The following EP300 variants were observed in gnomAD, a reference collection of about 807,000 sequenced individuals.
EP300 encodes histone acetyltransferase p300.
Under a neutral mutation model 264.0 loss-of-function variants are expected in EP300, and 31 were observed. The observed-to-expected ratio is 0.12, with a 90% CI of 0.09 to 0.16. The LOEUF (loss-of-function observed/expected upper bound fraction) is 0.16, where lower values mean the gene tolerates loss of function less well. EP300 is among the 10% of genes least tolerant of loss of function. The pLI, the probability that EP300 is intolerant of heterozygous loss-of-function variation, is 1.00. For synonymous variants in EP300, 1,340 were observed against 1,045.4 expected (o/e 1.28, Z -5.44); for missense variants, 2,766 against 3,052.9 (o/e 0.91, Z 2.21).
At chr22:41,095,542 T>C (rs1156542429) in intron 1 of EP300, among the ~76,000 whole-genome samples, 2 of 151,206 alleles carry the variant, frequency 1.3e-5, no homozygotes, top group East Asian at 3.9e-4. Flanking sequence ...TACCATTATA[T>C]CTTGAATTTT....
At chr22:41,128,961 C>G (rs1353139541) in intron 4 of EP300, among the ~76,000 whole-genome samples, 1 of 152,056 alleles carries the variant, frequency 6.6e-6, no homozygotes, top group East Asian at 1.9e-4. Flanking sequence ...TAAACAAAAT[C>G]AATTTTGAGA....
chr22:41,139,515 C>T (rs1176006793), intron 8 of EP300, among the ~76,000 whole-genome samples: 1 of 152,118 alleles, frequency 6.6e-6, no homozygotes, highest in East Asian at 1.9e-4. Flanking sequence ...TGATCTGGTT[C>T]CTTCAAGTCC....
At position 41,093,133 on chromosome 22, in the gene EP300, T is replaced by C. The variant is rs746873461; in HGVS notation, c.94+35T>C. 10 of 1,601,826 alleles carry C rather than the reference T, an allele frequency of 6.2e-6. No homozygotes were observed. In the African/African-American group the frequency reaches 1.2e-4, roughly 19 times the overall value. On this transcript the variant is annotated intron_variant, in intron 1 of 30. Coordinates refer to ENST00000263253, the MANE Select transcript of EP300 (RefSeq NM_001429.4). ...GGCAGCCCCGGCCTTCCACGTTCCC[T>C]TTAATCTTTTCTACTCGGTGCGCCT...
chr22:41,166,587 G>A lies in EP300; in HGVS notation c.3807-12G>A. 1 of 1,611,314 alleles carries A rather than the reference G, an allele frequency of 6.2e-7. No individual in the cohort carries two copies. Among genetic ancestry groups the A allele is most frequent in the South Asian group, 1.1e-5 (1 of 90,840 alleles). The stretch of plus-strand genomic sequence containing the variant: ...TCTAAGTTGTGTAAGCAAAGTTTTG[G>A]TTTACATTTAGATTCGTCTGTGATG... On this transcript the variant is annotated splice_polypyrimidine_tract_variant and intron_variant, in intron 22 of 30. Coordinates refer to ENST00000263253, the MANE Select transcript of EP300 (RefSeq NM_001429.4).
In EP300 at chr22:41,152,371, G is replaced by A. The variant is rs147875376; in HGVS notation, c.3142+21G>A. 6.1e-3 allele frequency: 9,763 copies of A among 1,606,010 alleles called. 41 individuals are homozygous for A. Among genetic ancestry groups the A allele is most frequent in the Non-Finnish European group, 7.4e-3 (8,702 of 1,175,448 alleles). ...AAAGAGTGAGTCTCTGAAGCCATTC[G>A]TTCTGGAGGTAGCTGAAGAAACCAA... On this transcript the variant is annotated intron_variant, in intron 16 of 30. Transcript: ENST00000263253.
intron 4 of EP300, among the ~76,000 whole-genome samples, chr22:41,128,530 CAG>C (rs1397043196): frequency 6.6e-6 from 1 of 152,020 alleles, no homozygotes; most frequent in African/African-American, 2.4e-5. Flanking sequence ...TTTTTTGAGA[CAG>C]AGTCTCGCTC....
chr22:41,134,187 T>A (rs73885741), intron 6 of EP300, among the ~76,000 whole-genome samples: 1 of 150,896 alleles, frequency 6.6e-6, no homozygotes, highest in Non-Finnish European at 1.5e-5. Context: ...TTTTTCTGAT[T>A]TCATTCTTGA....
chr22:41,102,952 C>T (rs1478793647), intron 1 of EP300, among the ~76,000 whole-genome samples: 5 of 152,076 alleles, frequency 3.3e-5, no homozygotes, highest in South Asian at 2.1e-4. Flanking sequence ...CGGGTTCAAG[C>T]GATTCTCATG....
intron 10 of EP300, among the ~76,000 whole-genome samples, chr22:41,145,870 C>T (rs1414633579): frequency 1.3e-5 from 2 of 151,836 alleles, no homozygotes; most frequent in African/African-American, 2.4e-5. Context: ...CTCCTGACCT[C>T]GTGATCCGCC....
intron 1 of EP300, among the ~76,000 whole-genome samples, chr22:41,097,724 T>C (rs1286793197): frequency 2.0e-5 from 3 of 152,228 alleles, no homozygotes; most frequent in Non-Finnish European, 2.9e-5. Flanking sequence ...AGTTGAATAT[T>C]TTTTTAAGTG....
At chr22:41,140,670 G>A (rs948492458) in intron 9 of EP300, among the ~76,000 whole-genome samples, 5 of 152,172 alleles carry the variant, frequency 3.3e-5, no homozygotes, top group African/African-American at 4.8e-5. Context: ...ATGGTGGCAC[G>A]TGCCTGTTGT....
rs1569090284 is a variant in EP300, at chr22:41,117,270, G to C, written c.178G>C (p.Asp60His). 1 of 1,614,184 alleles carries C rather than the reference G, an allele frequency of 6.2e-7. No homozygotes were observed. Residue 60 changes from aspartate (D) to histidine (H), a missense_variant, in exon 2 of 31, where the codon GAT becomes CAT. Coordinates refer to ENST00000263253, the MANE Select transcript of EP300 (RefSeq NM_001429.4). Reference protein sequence around the residue: ...STELGLTNGGDINQLQTSLGM... With the variant: ...STELGLTNGGHINQLQTSLGM... The stretch of plus-strand genomic sequence containing the variant: ...AGAATTGGGACTAACCAATGGTGGT[G>C]ATATTAATCAGCTTCAGACAAGTCT...
intron 16 of EP300, 78 bp downstream of exon 16, chr22:41,152,428 T>C: frequency 6.5e-7 from 1 of 1,532,136 alleles, no homozygotes; most frequent in Non-Finnish European, 8.9e-7. Flanking sequence ...TCATGCCTCT[T>C]GGGCCTCAGA....
At position 41,160,638 on chromosome 22, in the gene EP300, A is replaced by G; in HGVS notation, c.3591-4A>G. 4 of 1,613,868 alleles carry G rather than the reference A, an allele frequency of 2.5e-6. No homozygotes were observed. The highest frequency in any genetic ancestry group is 3.4e-6 in the Non-Finnish European group (4 of 1,179,846). ...TCACCCCAGTATGGCCTTCTTGCCG[A>G]CAGGTATCATTTCTGTGAGAAGTGT... On this transcript the variant is annotated splice_polypyrimidine_tract_variant and splice_region_variant and intron_variant, in intron 19 of 30. Coordinates refer to ENST00000263253, the MANE Select transcript of EP300 (RefSeq NM_001429.4).
chr22:41,113,615 C>T (rs1481161149), intron 1 of EP300, among the ~76,000 whole-genome samples: 2 of 152,258 alleles, frequency 1.3e-5, no homozygotes, highest in South Asian at 2.1e-4. Context: ...GGCGTGATCT[C>T]GGCTCACTGC....
intron 6 of EP300, among the ~76,000 whole-genome samples, chr22:41,132,437 G>A (rs1194982770): frequency 6.6e-6 from 1 of 151,538 alleles, no homozygotes; most frequent in Admixed American, 6.6e-5. Flanking sequence ...ACAGGCGCGT[G>A]CCACCATGCC....
chr22:41,170,328 C>G (rs2145766127), intron 26 of EP300, 78 bp from the exon 27 acceptor site: 1 of 1,403,960 alleles, frequency 7.1e-7, no homozygotes, highest in East Asian at 2.3e-5. Context: ...TATATCAACT[C>G]CAACTTGTGG....
At chr22:41,128,040 A>C (rs1216217386) in intron 4 of EP300, among the ~76,000 whole-genome samples, 3 of 152,088 alleles carry the variant, frequency 2.0e-5, no homozygotes, top group African/African-American at 4.8e-5. Context: ...ATGCACCTGT[A>C]GTCCTAGCTG....
intron 1 of EP300, among the ~76,000 whole-genome samples, chr22:41,098,164 T>A (rs899542954): frequency 3.9e-5 from 6 of 152,116 alleles, no homozygotes; most frequent in Non-Finnish European, 7.4e-5. Flanking sequence ...TGCTAAAAAA[T>A]TTTTTAACAT....
Sources: gnomAD v4.1 joint callset for allele counts (sites outside exome capture counted in the v4.1 genomes callset) on GRCh38, gnomAD v4.1.1 for gene constraint, MANE v1.5 for transcripts, NCBI Gene and HGNC (gene_info 2026-07-23, HGNC 2026-07-21) for gene names.